The following DTNBP1 variants were observed in gnomAD, a reference collection of about 807,000 sequenced individuals.
DTNBP1 encodes the protein dysbindin.
DTNBP1 carries 35 observed loss-of-function variants against 42.8 expected under a neutral mutation model. The observed-to-expected ratio is 0.82, with a 90% CI of 0.63 to 1.09. The LOEUF is 1.09. Ranked by LOEUF, DTNBP1 falls within the 50% of genes least tolerant of loss-of-function variation. The pLI is 0.00. For missense variants in DTNBP1, 457 were observed against 424.2 expected (o/e 1.08, Z -0.68); for synonymous variants, 171 against 162.2 (o/e 1.05, Z -0.41).
At chr6:15,627,510 A>C in intron 4 of DTNBP1, 35 bp from the exon 5 acceptor site, 1 of 1,612,938 alleles carries the variant, frequency 6.2e-7, no homozygotes, top group Non-Finnish European at 8.5e-7. Flanking sequence ...AAGTGAAACC[A>C]GGTTTTAGGC....
At chr6:15,554,275 G>T (rs569692209) in intron 7 of DTNBP1, among the ~76,000 whole-genome samples, 1 of 151,982 alleles carries the variant, frequency 6.6e-6, no homozygotes, top group East Asian at 1.9e-4. Flanking sequence ...TTGAGATAGA[G>T]TCTCACTATG....
At position 15,523,225 on chromosome 6, in the gene DTNBP1, A is replaced by G. The variant is rs1279245754; in HGVS notation, c.812-6T>C. 4 of 1,614,088 alleles carry G rather than the reference A, an allele frequency of 2.5e-6. No individual in the cohort carries two copies. The South Asian group carries it at 3.3e-5, about 13-fold the overall frequency. On this transcript the variant is annotated splice_polypyrimidine_tract_variant and splice_region_variant and intron_variant, in intron 9 of 9. Coordinates refer to ENST00000344537, the MANE Select transcript of DTNBP1 (RefSeq NM_032122.5). ...ACAGGTACTGGATTCAGGCCCTGCA[A>G]AATAACGTAGGGAAGAAAAAGCCCT...
chr6:15,635,365 C>T (rs533785162), intron 4 of DTNBP1, among the ~76,000 whole-genome samples: 16 of 152,128 alleles, frequency 1.1e-4, no homozygotes, highest in African/African-American at 3.6e-4. Flanking sequence ...GTGATCCACC[C>T]GCCTCAGCCT....
intron 4 of DTNBP1, among the ~76,000 whole-genome samples, chr6:15,628,230 CAAG>C (rs1350936546): frequency 1.3e-5 from 2 of 151,766 alleles, no homozygotes; most frequent in Non-Finnish European, 2.9e-5. Context: ...TTAGAAGGAG[CAAG>C]AAGAGGTGAT....
chr6:15,575,046 T>C (rs547154321), intron 7 of DTNBP1, among the ~76,000 whole-genome samples: 2 of 152,350 alleles, frequency 1.3e-5, no homozygotes, highest in Non-Finnish European at 1.5e-5. Context: ...AACTGTCCTA[T>C]TCCAGAAACC....
At chr6:15,599,346 T>C (rs533759100) in intron 6 of DTNBP1, among the ~76,000 whole-genome samples, 8 of 152,272 alleles carry the variant, frequency 5.3e-5, no homozygotes, top group African/African-American at 4.8e-5. Flanking sequence ...CCTCACTTAA[T>C]ACATGAGGAA....
intron 7 of DTNBP1, among the ~76,000 whole-genome samples, chr6:15,586,820 GT>G (rs1776098492): frequency 6.6e-6 from 1 of 152,108 alleles, no homozygotes; most frequent in African/African-American, 2.4e-5. Context: ...CTATATTTCA[GT>G]TTGCCTTCTC....
chr6:15,530,889 C>T (rs763008456), intron 8 of DTNBP1, among the ~76,000 whole-genome samples: 9 of 152,106 alleles, frequency 5.9e-5, no homozygotes, highest in Non-Finnish European at 1.2e-4. Flanking sequence ...GTGGGTCGGC[C>T]AGGGTGTATC....
intron 7 of DTNBP1, among the ~76,000 whole-genome samples, chr6:15,577,696 G>A (rs1182584360): frequency 1.3e-5 from 2 of 152,174 alleles, no homozygotes; most frequent in African/African-American, 2.4e-5. Context: ...ACTCTTGAGC[G>A]GAGAGCTGGA....
chr6:15,658,959 C>T (rs1041489558), intron 1 of DTNBP1, among the ~76,000 whole-genome samples: 6 of 152,164 alleles, frequency 3.9e-5, no homozygotes, highest in African/African-American at 1.2e-4. Context: ...GATGTAATCA[C>T]TAGTTTTTCT....
intron 7 of DTNBP1, among the ~76,000 whole-genome samples, chr6:15,566,195 G>A (rs1157788084): frequency 6.6e-6 from 1 of 150,470 alleles, no homozygotes; most frequent in African/African-American, 2.4e-5. Context: ...GGCGCCTGTA[G>A]TCCCAGCTAC....
chr6:15,538,442 G>A (rs1337089742), intron 7 of DTNBP1, among the ~76,000 whole-genome samples: 1 of 152,150 alleles, frequency 6.6e-6, no homozygotes, highest in African/African-American at 2.4e-5. Flanking sequence ...CTTCTCCAGT[G>A]CCTCCAGAAA....
intron 5 of DTNBP1, among the ~76,000 whole-genome samples, chr6:15,616,225 T>C (rs1758704982): frequency 6.6e-6 from 1 of 152,230 alleles, no homozygotes; most frequent in Non-Finnish European, 1.5e-5. Context: ...AAACTGAGAT[T>C]GTAGGGGCAA....
chr6:15,658,606 G>A (rs1490090393), intron 1 of DTNBP1, among the ~76,000 whole-genome samples: 1 of 152,214 alleles, frequency 6.6e-6, no homozygotes, highest in Non-Finnish European at 1.5e-5. Context: ...AAACCCGTCA[G>A]TAAATCTGAT....
rs1307053230 is a variant in DTNBP1 at position 15,587,514 on chromosome 6, G to A, written c.511+5545C>T. Among the ~76,000 whole-genome samples the A allele has an allele frequency of 1.3e-5, 2 of 152,140 alleles. No individual in the cohort carries two copies. The highest frequency in any genetic ancestry group is 2.4e-5 in the African/African-American group (1 of 41,410). On this transcript the variant is annotated intron_variant, in intron 7 of 9. Coordinates refer to ENST00000344537, the MANE Select transcript of DTNBP1 (RefSeq NM_032122.5). This position sits in a 1 kb window ranked among gnomAD's most constrained non-coding sequence, Gnocchi z 4.1. ...ACGTCCCAATTTCAAATCTTACTACGAAGCTACACTAGTCAAGGCAGTGTG... is the reference window on the plus strand; with the variant it reads ...ACGTCCCAATTTCAAATCTTACTACAAAGCTACACTAGTCAAGGCAGTGTG...
At chr6:15,588,611 T>C (rs1274534348) in intron 7 of DTNBP1, among the ~76,000 whole-genome samples, 1 of 152,250 alleles carries the variant, frequency 6.6e-6, no homozygotes, top group Non-Finnish European at 1.5e-5. Flanking sequence ...AATGTCCAAG[T>C]TCCTGTGTAT....
intron 5 of DTNBP1, among the ~76,000 whole-genome samples, chr6:15,620,309 T>C (rs1377159744): frequency 6.6e-6 from 1 of 152,168 alleles, no homozygotes; most frequent in Non-Finnish European, 1.5e-5. Context: ...AAATGGTACA[T>C]AAGGAGTTTA....
intron 3 of DTNBP1, among the ~76,000 whole-genome samples, chr6:15,638,575 C>T (rs73373621): frequency 6.6e-6 from 1 of 152,144 alleles, no homozygotes; most frequent in African/African-American, 2.4e-5. Flanking sequence ...AAGTATCTGC[C>T]CATTGGATAA....
At chr6:15,661,398 G>A (rs897673728) in intron 1 of DTNBP1, among the ~76,000 whole-genome samples, 1 of 151,946 alleles carries the variant, frequency 6.6e-6, no homozygotes, top group Non-Finnish European at 1.5e-5. Flanking sequence ...GGTGGCACAC[G>A]CCTGTAATCC....
Sources: allele counts gnomAD v4.1 joint callset (sites outside exome capture counted in the v4.1 genomes callset), GRCh38; gene constraint gnomAD v4.1.1; non-coding constraint Gnocchi (gnomAD v3.1); transcripts MANE v1.5; gene names NCBI Gene and HGNC (gene_info 2026-07-23, HGNC 2026-07-21).